SETD9: variants seen among roughly 807,000 people sequenced by gnomAD.
SETD9 encodes SET domain containing 9.
SETD9 carries 37 observed loss-of-function variants against 36.4 expected under a neutral mutation model. The ratio of observed to expected loss-of-function variants is 1.02; its 90% CI spans 0.78 to 1.34. The LOEUF (loss-of-function observed/expected upper bound fraction) is 1.34. SETD9 is among the 40% of genes most tolerant of loss of function. The pLI, the probability that SETD9 is intolerant of heterozygous loss-of-function variation, is 0.00. For synonymous variants in SETD9, 128 were observed against 132.9 expected (o/e 0.96, Z 0.26); for missense variants, 323 against 353.2 (o/e 0.91, Z 0.69).
chr5:56,925,262 A>C (rs1046154326), intron 5 of SETD9: 2 of 437,038 alleles, frequency 4.6e-6, no homozygotes, highest in Admixed American at 2.6e-5. Context: ...TAGCTAATGC[A>C]GTAAGACAAG....
At chr5:56,928,428 T>C (rs143984113), downstream of SETD9, 1 of 166,436 alleles carries the variant, frequency 6.0e-6, no homozygotes, top group African/African-American at 2.4e-5. Flanking sequence ...CAACAGCTAC[T>C]CTCACTGCTG....
At chr5:56,921,381 CT>C (rs1340935039), downstream of SETD9, 1 of 152,368 alleles carries the variant, frequency 6.6e-6, no homozygotes, top group African/African-American at 2.4e-5. Context: ...AGAGCCCAGG[CT>C]ACCCATTATT....
At chr5:56,920,380 A>G (rs1446710897), downstream of SETD9, 3 of 152,596 alleles carry the variant, frequency 2.0e-5, no homozygotes, top group East Asian at 5.8e-4. Context: ...CATAAAAGAT[A>G]TATCAGCCAA....
chr5:56,924,246 G>A (rs937180241), intron 5 of SETD9, among the ~76,000 whole-genome samples: 2 of 150,912 alleles, frequency 1.3e-5, no homozygotes, highest in African/African-American at 4.9e-5. Context: ...ATTTTCGAAA[G>A]CCCAAGGTTT....
chr5:56,919,237 T>C (rs959350039), downstream of SETD9, among the ~76,000 whole-genome samples: 10 of 151,052 alleles, frequency 6.6e-5, no homozygotes, highest in Admixed American at 2.7e-4. Context: ...GCAATTTTCC[T>C]GCCTCAGCCT....
Position 56,909,732 on chromosome 5 carries a change from C to T in SETD9, c.87C>T (p.Ser29=), listed in dbSNP as rs80198735. The change falls in exon 1 of 6, where the codon AGC becomes AGT. Residue 29 remains serine (S), a synonymous_variant. Coordinates refer to ENST00000285947, the MANE Select transcript of SETD9 (RefSeq NM_153706.4). The part of the protein sequence containing the change: ...RFVPWIALNL[S]HNPRTLRYVP... ...TTCCCTGGATCGCACTGAACCTAAG[C>T]CACAACCCGAGGTGAGAGGGCGGGA... is the stretch of plus-strand genomic sequence containing the variant. 1.8e-3 allele frequency: 2,873 copies of T among 1,610,590 alleles called. 46 individuals are homozygous for T. In the African/African-American group the frequency reaches 0.035, roughly 20 times the overall value.
chr5:56,911,396 C>A lies in SETD9; in HGVS notation c.326C>A (p.Thr109Asn). Residue 109 changes from threonine to asparagine, a missense_variant, in exon 2 of 6, where the codon ACC becomes AAC. Thr to Asn is a moderately conservative substitution (Grantham distance 65). Coordinates refer to ENST00000285947, the MANE Select transcript of SETD9 (RefSeq NM_153706.4). ...LLENRHQQQS[T>N]FKPEEILYKT... The stretch of plus-strand genomic sequence containing the variant: ...GAAAACAGACATCAACAGCAAAGTA[C>A]CTTTAAACCAGAAGAAATTCTTTAC... The A allele has an allele frequency of 6.2e-7, 1 of 1,613,766 alleles. No individual in the cohort carries two copies. Among genetic ancestry groups the A allele is most frequent in the Non-Finnish European group, 8.5e-7 (1 of 1,179,928 alleles).
chr5:56,916,205 A>G (rs1201420928), intron 5 of SETD9, among the ~76,000 whole-genome samples: 4 of 152,206 alleles, frequency 2.6e-5, no homozygotes, highest in African/African-American at 9.7e-5. Flanking sequence ...CAGCCTGACC[A>G]ACATGGTGAA....
intron 4 of SETD9, 121 bp from the exon 5 acceptor site, chr5:56,914,740 T>G (rs1447378197): frequency 2.0e-6 from 1 of 502,144 alleles, no homozygotes; most frequent in Non-Finnish European, 3.3e-6. Context: ...AACATAGTAG[T>G]AATTATTTTG....
chr5:56,910,483 A>G (rs1055971814), intron 1 of SETD9: 2 of 1,099,708 alleles, frequency 1.8e-6, no homozygotes, highest in Admixed American at 3.5e-5. Context: ...CCCTGAAGTC[A>G]GTGTCCGACA....
intron 5 of SETD9, chr5:56,923,496 C>T (rs1749784634): frequency 2.5e-6 from 4 of 1,614,020 alleles, no homozygotes; most frequent in Non-Finnish European, 3.4e-6. Flanking sequence ...TTAACTTGTC[C>T]ACGGGGTGTG....
chr5:56,914,013 G>C lies in SETD9; in HGVS notation c.706+24G>C, dbSNP rs557917125. The C allele has an allele frequency of 1.9e-4, 293 of 1,518,558 alleles. 2 individuals carry two copies. In the South Asian group the frequency reaches 3.2e-3, roughly 17 times the overall value. The allele number at this position is 1,518,558 out of a possible 1,614,324, so 94.1% of individuals were successfully genotyped here. ...TGGTAAGAAGGCATCATGGGGCTGT[G>C]AGATGAGATATATCAATGGCTAATT... On this transcript the variant is annotated intron_variant, in intron 4 of 5. Transcript: ENST00000285947.
At chr5:56,912,128 C>G (rs1749165620) in intron 2 of SETD9, 6 of 957,338 alleles carry the variant, frequency 6.3e-6, no homozygotes, top group Non-Finnish European at 7.5e-6. Context: ...GCGCTCCAGC[C>G]TGGGTGACAG....
At chr5:56,914,120 C>G in intron 4 of SETD9, 131 bp downstream of exon 4, 2 of 535,722 alleles carry the variant, frequency 3.7e-6, no homozygotes. Flanking sequence ...AAGCAACTCT[C>G]ACTTTTGGGG....
At chr5:56,924,855 C>G (rs981136715) in intron 5 of SETD9, among the ~76,000 whole-genome samples, 1 of 152,174 alleles carries the variant, frequency 6.6e-6, no homozygotes, top group African/African-American at 2.4e-5. Context: ...TAACCTGACT[C>G]CTGAGTAAGT....
chr5:56,920,522 T>C (rs1201252465), downstream of SETD9: 2 of 152,598 alleles, frequency 1.3e-5, no homozygotes, highest in African/African-American at 4.8e-5. Context: ...AAAGGCATTA[T>C]TGTTTCTTCA....
Position 56,914,950 on chromosome 5 carries a change from A to C in SETD9, c.796A>C (p.Ser266Arg). Residue 266 changes from serine (S) to arginine (R), a missense_variant, in exon 5 of 6, where the codon AGC becomes CGC. Coordinates refer to ENST00000285947, the MANE Select transcript of SETD9 (RefSeq NM_153706.4). Reference sequence around the variant, plus strand: ...GCAGTATCTTCCAAACATTGCCTACAGCTATGACAAACAAAGGTTCGTTTG... The same window carrying C: ...GCAGTATCTTCCAAACATTGCCTACCGCTATGACAAACAAAGGTTCGTTTG... ...LKQYLPNIAY[S>R]YDKQSPLRCV... is the part of the protein sequence containing the mutation. 6.3e-7 allele frequency: 1 copy of C among 1,588,308 alleles called. No homozygotes were observed. Among genetic ancestry groups the C allele is most frequent in the Non-Finnish European group, 8.6e-7 (1 of 1,162,722 alleles).
intron 3 of SETD9, among the ~76,000 whole-genome samples, 157 bp downstream of exon 3, chr5:56,913,291 C>T (rs759012308): frequency 2.0e-5 from 3 of 151,970 alleles, no homozygotes; most frequent in Non-Finnish European, 4.4e-5. Context: ...TGGCCTCAAG[C>T]GACCCTCCCA....
downstream of SETD9, chr5:56,928,722 T>C: frequency 7.3e-7 from 1 of 1,373,320 alleles, no homozygotes; most frequent in South Asian, 1.3e-5. Context: ...GTTGCTTACA[T>C]TCACTGTAAC....
Sources: gnomAD v4.1 joint callset for allele counts (sites outside exome capture counted in the v4.1 genomes callset) on GRCh38, gnomAD v4.1.1 for gene constraint, MANE v1.5 for transcripts, NCBI Gene and HGNC (gene_info 2026-07-23, HGNC 2026-07-21) for gene names.